The following CSMD1 variants were observed in gnomAD, a reference collection of about 807,000 sequenced individuals.
CSMD1 encodes the protein CUB and sushi domain-containing protein 1.
In CSMD1, 213 loss-of-function variants were observed where a neutral mutation model predicts 417.5. That is an observed-to-expected ratio of 0.51 (90% CI 0.46 to 0.57). The LOEUF is 0.57. Ranked by LOEUF, CSMD1 falls within the 20% of genes least tolerant of loss-of-function variation. CSMD1 has a pLI of 0.00. For missense variants in CSMD1, 6,923 were observed against 4,529.7 expected, an observed-to-expected ratio of 1.53 and a Z score of -15.17; for synonymous variants, 2,862 against 1,736.8, an observed-to-expected ratio of 1.65 and a Z score of -16.11.
intron 1 of CSMD1, among the ~76,000 whole-genome samples, chr8:4,730,312 T>C (rs1035742264): frequency 3.3e-5 from 5 of 152,086 alleles, no homozygotes; most frequent in African/African-American, 1.2e-4. Context: ...CAAAGACAAA[T>C]TCAGTTCAAA....
At chr8:4,446,772 TG>T (rs1798833098) in intron 2 of CSMD1, among the ~76,000 whole-genome samples, 1 of 148,118 alleles carries the variant, frequency 6.8e-6, no homozygotes, top group Non-Finnish European at 1.5e-5. Context: ...TGTGTGTGTG[TG>T]TGTGTGTGTG....
intron 5 of CSMD1, among the ~76,000 whole-genome samples, chr8:3,840,848 C>T (rs536426004): frequency 3.3e-5 from 5 of 151,884 alleles, no homozygotes; most frequent in African/African-American, 4.8e-5. Context: ...CCACTACGTA[C>T]AGGCGCCTGT....
At position 3,643,700 on chromosome 8, in the gene CSMD1, C is replaced by CAA. The variant is rs66500235; in HGVS notation, c.1010-26905_1010-26904dup. Among the ~76,000 whole-genome samples, 79 of 85,168 alleles carry CAA rather than the reference C, an allele frequency of 9.3e-4. 1 individual carries two copies. Among genetic ancestry groups the CAA allele is most frequent in the African/African-American group, 1.4e-3 (28 of 20,490 alleles). 55.9% of individuals were successfully genotyped at this position (85,168 alleles called of 152,430 possible). A position where few individuals can be genotyped will look rare whatever the true frequency, so the allele number is the denominator to read the frequency against. ...TGGGCGACAGCGTGAGACTCCGTCT[C>CAA]AAAAAAAAAAAAAAAAAAAAAAGGA... is the stretch of plus-strand genomic sequence containing the variant. On this transcript the variant is annotated intron_variant, in intron 7 of 69. Transcript: ENST00000635120.
At chr8:4,744,580 A>T (rs1404605367) in intron 1 of CSMD1, among the ~76,000 whole-genome samples, 2 of 152,208 alleles carry the variant, frequency 1.3e-5, no homozygotes, top group African/African-American at 4.8e-5. Flanking sequence ...CACACAAAAT[A>T]ATATCTTTGG....
intron 15 of CSMD1, among the ~76,000 whole-genome samples, 155 bp downstream of exon 15, chr8:3,405,872 C>G (rs1454131020): frequency 1.3e-5 from 2 of 152,334 alleles, no homozygotes; most frequent in African/African-American, 4.8e-5. Flanking sequence ...GCCTCCAGAA[C>G]TGGGAGACTG....
At chr8:4,515,569 C>G (rs1212260429) in intron 2 of CSMD1, among the ~76,000 whole-genome samples, 1 of 152,174 alleles carries the variant, frequency 6.6e-6, no homozygotes, top group African/African-American at 2.4e-5. Flanking sequence ...CAGTTAAATT[C>G]AAGTCTGGAT....
At chr8:4,423,337 G>A (rs369584047) in intron 2 of CSMD1, among the ~76,000 whole-genome samples, 1 of 152,016 alleles carries the variant, frequency 6.6e-6, no homozygotes, top group African/African-American at 2.4e-5. Context: ...AAAATTTGTA[G>A]AGCTAATACT....
Position 3,118,550 on chromosome 8 carries a change from A to T in CSMD1, c.6279T>A (p.Phe2093Leu). The T allele has an allele frequency of 6.2e-7, 1 of 1,613,904 alleles. No individual in the cohort carries two copies. Among genetic ancestry groups the T allele is most frequent in the Non-Finnish European group, 8.5e-7 (1 of 1,179,810 alleles). Reference sequence around the variant, plus strand: ...CCGAGTTGATCATGTACCCATTCTGAAATGGGGGTGGATCTGGACAGTTCT... The same window carrying T: ...CCGAGTTGATCATGTACCCATTCTGTAATGGGGGTGGATCTGGACAGTTCT... ...ELQNCPDPPP[F>L]QNGYMINSDY... Residue 2093 changes from phenylalanine (F) to leucine (L), a missense_variant, in exon 42 of 70, where the codon TTT becomes TTA. Coordinates refer to ENST00000635120, the MANE Select transcript of CSMD1 (RefSeq NM_033225.6).
At chr8:3,415,816 G>C (rs767820087) in intron 12 of CSMD1, among the ~76,000 whole-genome samples, 4 of 152,134 alleles carry the variant, frequency 2.6e-5, no homozygotes, top group African/African-American at 4.8e-5. Context: ...ATAAATGGAA[G>C]ACAAAACTTC....
intron 3 of CSMD1, among the ~76,000 whole-genome samples, chr8:4,387,304 T>C (rs1050440397): frequency 3.9e-5 from 6 of 152,122 alleles, no homozygotes; most frequent in African/African-American, 9.7e-5. Context: ...TACTTTTAGA[T>C]AGTAATTCCT....
chr8:4,875,565 C>T (rs80304146), intron 1 of CSMD1, among the ~76,000 whole-genome samples: 4,603 of 152,120 alleles, frequency 0.03, 92 homozygotes, highest in Non-Finnish European at 0.044. Context: ...AAGCATAGAT[C>T]TTGTCACCAT....
chr8:4,980,043 T>C (rs116049458), intron 1 of CSMD1, among the ~76,000 whole-genome samples: 3,480 of 152,060 alleles, frequency 0.023, 96 homozygotes, highest in South Asian at 0.074. Flanking sequence ...TCCCAAAAAA[T>C]AAATAAATAA....
chr8:3,775,912 T>C (rs915887462), intron 5 of CSMD1, among the ~76,000 whole-genome samples: 2 of 152,212 alleles, frequency 1.3e-5, no homozygotes, highest in Non-Finnish European at 2.9e-5. Flanking sequence ...AATGAGCTCC[T>C]CCAGTCTCAT....
intron 3 of CSMD1, among the ~76,000 whole-genome samples, chr8:4,198,669 T>C (rs1008794904): frequency 5.9e-5 from 9 of 152,182 alleles, no homozygotes; most frequent in Admixed American, 5.9e-4. Flanking sequence ...CTTTTCCAGA[T>C]GGGGCTGGTA....
intron 10 of CSMD1, among the ~76,000 whole-genome samples, chr8:3,497,901 T>A (rs1452127378): frequency 6.6e-6 from 1 of 152,250 alleles, no homozygotes; most frequent in African/African-American, 2.4e-5. Flanking sequence ...AATATTACTC[T>A]TTTGTGTGTC....
At chr8:4,757,778 G>C (rs1811759162) in intron 1 of CSMD1, among the ~76,000 whole-genome samples, 1 of 151,908 alleles carries the variant, frequency 6.6e-6, no homozygotes, top group Admixed American at 6.6e-5. Context: ...GGCCAACATG[G>C]TGAAACCCTG....
intron 25 of CSMD1, among the ~76,000 whole-genome samples, chr8:3,300,549 C>G (rs555403364): frequency 3.3e-4 from 50 of 152,264 alleles, no homozygotes; most frequent in African/African-American, 1.1e-3. Context: ...TGAGGATGCT[C>G]ACACCCTTTG....
Position 4,269,890 on chromosome 8 carries a change from T to A in CSMD1, c.415+150063A>T, listed in dbSNP as rs190256116. On this transcript the variant is annotated intron_variant, in intron 3 of 69. Coordinates refer to ENST00000635120, the MANE Select transcript of CSMD1 (RefSeq NM_033225.6). ...TATTGCATCATTACTGGAGTTTATATTACAGAATTCCATTACAGATGGAGG... is the reference window on the plus strand; with the variant it reads ...TATTGCATCATTACTGGAGTTTATAATACAGAATTCCATTACAGATGGAGG... Among the ~76,000 whole-genome samples, 34 of 152,258 alleles carry A rather than the reference T, an allele frequency of 2.2e-4. 1 individual carries two copies. In the East Asian group the frequency reaches 6.6e-3, roughly 29 times the overall value.
intron 1 of CSMD1, among the ~76,000 whole-genome samples, chr8:4,987,618 A>G (rs1404567916): frequency 6.6e-6 from 1 of 152,208 alleles, no homozygotes; most frequent in Non-Finnish European, 1.5e-5. Context: ...TATATAATAT[A>G]AAATATTGAG....
Sources: gnomAD v4.1 joint callset for allele counts (sites outside exome capture counted in the v4.1 genomes callset) on GRCh38, gnomAD v4.1.1 for gene constraint, MANE v1.5 for transcripts, NCBI Gene and HGNC (gene_info 2026-07-23, HGNC 2026-07-21) for gene names.